TMEM178B: variants seen among roughly 807,000 people sequenced by gnomAD.
TMEM178B encodes the protein transmembrane protein 178B.
A neutral mutation model predicts 31.0 loss-of-function variants in TMEM178B; 5 were observed. That is an observed-to-expected ratio of 0.16 (90% CI 0.08 to 0.34). The LOEUF (loss-of-function observed/expected upper bound fraction) is 0.34, where lower values mean the gene tolerates loss of function less well. TMEM178B is among the 10% of genes least tolerant of loss of function. The probability of loss-of-function intolerance (pLI) is 1.00; values close to 1 mark genes in which losing one functional copy is unlikely to be tolerated. For missense variants in TMEM178B, 275 were observed against 400.3 expected (o/e 0.69, Z 2.67); for synonymous variants, 164 against 164.0 (o/e 1.00, Z 0.00).
intron 1 of TMEM178B, among the ~76,000 whole-genome samples, chr7:141,159,316 G>A (rs529317630): frequency 6.6e-6 from 1 of 152,234 alleles, no homozygotes; most frequent in South Asian, 2.1e-4. Flanking sequence ...TTACTCACCT[G>A]CTCAAAACTG....
At chr7:141,503,518 A>G in the TMEM178B span, among the ~76,000 whole-genome samples, 1 of 152,216 alleles carries the variant, frequency 6.6e-6, no homozygotes, top group Admixed American at 6.5e-5. Context: ...GTACTTGTTC[A>G]TGATTATTAT....
At chr7:141,123,080 C>T (rs931609048) in intron 1 of TMEM178B, among the ~76,000 whole-genome samples, 5 of 152,216 alleles carry the variant, frequency 3.3e-5, no homozygotes, top group Non-Finnish European at 7.3e-5. Flanking sequence ...ATTTTTATTG[C>T]CGTCTCTTGC....
At chr7:141,197,280 G>A (rs1307737757) in intron 1 of TMEM178B, among the ~76,000 whole-genome samples, 5 of 152,176 alleles carry the variant, frequency 3.3e-5, no homozygotes, top group African/African-American at 1.2e-4. Flanking sequence ...TAGAGAGAGG[G>A]CTTCATTAAT....
chr7:141,484,379 G>A (rs112149367), downstream of TMEM178B, among the ~76,000 whole-genome samples: 6 of 152,198 alleles, frequency 3.9e-5, no homozygotes, highest in Non-Finnish European at 7.4e-5. The surrounding 1 kb of genome is among the most constrained non-coding windows in gnomAD (Gnocchi z 4.8). Flanking sequence ...CAGGAGCATC[G>A]GTATCACTTG....
intron 2 of TMEM178B, chr7:141,431,321 G>A (rs1261222427): frequency 6.6e-6 from 1 of 152,060 alleles, no homozygotes; most frequent in African/African-American, 2.4e-5. Flanking sequence ...CCTGTGTAGA[G>A]TTGCAAGCAA....
At chr7:141,178,599 T>C (rs1796469785) in intron 1 of TMEM178B, among the ~76,000 whole-genome samples, 1 of 152,206 alleles carries the variant, frequency 6.6e-6, no homozygotes, top group African/African-American at 2.4e-5. Context: ...GTTTTAGCCA[T>C]GATTTAAAGT....
intron 2 of TMEM178B, among the ~76,000 whole-genome samples, chr7:141,319,401 T>C (rs541037215): frequency 6.6e-6 from 1 of 152,350 alleles, no homozygotes; most frequent in African/African-American, 2.4e-5. Flanking sequence ...TCTGTTAGTT[T>C]AAACTCATTT....
intron 1 of TMEM178B, among the ~76,000 whole-genome samples, chr7:141,154,799 G>T (rs1796039612): frequency 6.7e-6 from 1 of 149,904 alleles, no homozygotes; most frequent in South Asian, 2.1e-4. Context: ...GTGCAATCTT[G>T]GCCCACTGCA....
At chr7:141,231,971 C>A (rs571515617) in intron 2 of TMEM178B, among the ~76,000 whole-genome samples, 30 of 152,128 alleles carry the variant, frequency 2.0e-4, no homozygotes, top group Non-Finnish European at 3.4e-4. Flanking sequence ...CCACCCCCAA[C>A]CCTACAGGCC....
chr7:141,483,594 A>G (rs1207650058), downstream of TMEM178B, among the ~76,000 whole-genome samples: 1 of 152,206 alleles, frequency 6.6e-6, no homozygotes, highest in Non-Finnish European at 1.5e-5. Context: ...CCTCTGTCCC[A>G]TACCACTTTA....
intron 1 of TMEM178B, among the ~76,000 whole-genome samples, chr7:141,202,405 A>G (rs1474500027): frequency 6.6e-6 from 1 of 152,304 alleles, no homozygotes; most frequent in East Asian, 1.9e-4. Flanking sequence ...ATGAAATTCC[A>G]TGTGTGTAAT....
At chr7:141,406,306 T>G (rs1800883232) in intron 2 of TMEM178B, among the ~76,000 whole-genome samples, 1 of 152,166 alleles carries the variant, frequency 6.6e-6, no homozygotes, top group South Asian at 2.1e-4. Flanking sequence ...GCCCTGAGTG[T>G]GAGGAAGTTC....
intron 2 of TMEM178B, among the ~76,000 whole-genome samples, chr7:141,214,276 A>G (rs1797096786): frequency 6.6e-6 from 1 of 152,210 alleles, no homozygotes; most frequent in African/African-American, 2.4e-5. Context: ...TCAGAATCTA[A>G]GAAGGAAGAA....
At chr7:141,173,827 A>G (rs1014314581) in intron 1 of TMEM178B, among the ~76,000 whole-genome samples, 2 of 151,984 alleles carry the variant, frequency 1.3e-5, no homozygotes, top group African/African-American at 4.8e-5. Context: ...CTTTCTTTTG[A>G]CTCAACTCCA....
At chr7:141,108,965 T>TG (rs1283491413) in intron 1 of TMEM178B, among the ~76,000 whole-genome samples, 1 of 152,150 alleles carries the variant, frequency 6.6e-6, no homozygotes, top group Non-Finnish European at 1.5e-5. Context: ...TCTTACATGG[T>TG]GGCGGCAAGA....
intron 2 of TMEM178B, among the ~76,000 whole-genome samples, chr7:141,233,597 T>C (rs1370351035): frequency 6.6e-6 from 1 of 152,064 alleles, no homozygotes; most frequent in African/African-American, 2.4e-5. Context: ...CCCACTGGGG[T>C]ATGTGTTTTG....
chr7:141,167,115 G>C (rs1001587921), intron 1 of TMEM178B, among the ~76,000 whole-genome samples: 1 of 152,170 alleles, frequency 6.6e-6, no homozygotes, highest in African/African-American at 2.4e-5. Flanking sequence ...TTAAAATGAG[G>C]GTGTTGACCT....
At chr7:141,393,947 CT>C (rs1800591813) in intron 2 of TMEM178B, among the ~76,000 whole-genome samples, 1 of 151,586 alleles carries the variant, frequency 6.6e-6, no homozygotes, top group East Asian at 1.9e-4. Flanking sequence ...CAGCTTCATT[CT>C]TTGATGTTTA....
chr7:141,262,838 G>A (rs1196181571), intron 2 of TMEM178B, among the ~76,000 whole-genome samples: 1 of 152,078 alleles, frequency 6.6e-6, no homozygotes, highest in East Asian at 1.9e-4. Flanking sequence ...CCGTATTCTT[G>A]GGGCAGTTGG....
Sources: gnomAD v4.1 joint callset for allele counts (sites outside exome capture counted in the v4.1 genomes callset) on GRCh38, gnomAD v4.1.1 for gene constraint, Gnocchi (gnomAD v3.1) non-coding constraint, MANE v1.5 for transcripts, NCBI Gene and HGNC (gene_info 2026-07-23, HGNC 2026-07-21) for gene names.